PEX1: variants seen among roughly 807,000 people sequenced by gnomAD.
The protein encoded by PEX1 is peroxisomal ATPase PEX1.
A neutral mutation model predicts 152.5 loss-of-function variants in PEX1; 97 were observed. That is an observed-to-expected ratio of 0.64 (90% CI 0.54 to 0.75). The LOEUF (loss-of-function observed/expected upper bound fraction) is 0.75, where lower values mean the gene tolerates loss of function less well. Among genes scored for constraint, PEX1 ranks in the 30% least tolerant of loss-of-function variants. The pLI is 0.00. For synonymous variants in PEX1, 485 were observed against 531.6 expected (o/e 0.91, Z 1.21); for missense variants, 1,357 against 1,516.3 (o/e 0.89, Z 1.74).
At chr7:92,490,884 A>G (rs1791269842) in intron 21 of PEX1, among the ~76,000 whole-genome samples, 2 of 152,234 alleles carry the variant, frequency 1.3e-5, no homozygotes, top group African/African-American at 4.8e-5. Flanking sequence ...AGTATCACAG[A>G]TAACACTTTG....
chr7:92,514,053 T>G (rs1792607640), intron 5 of PEX1, 86 bp from the exon 6 acceptor site: 3 of 854,112 alleles, frequency 3.5e-6, no homozygotes, highest in Non-Finnish European at 5.5e-6. Context: ...ATATATTAGC[T>G]TCTATGAATT....
intron 6 of PEX1, 129 bp from the exon 7 acceptor site, chr7:92,511,832 G>A: frequency 1.2e-6 from 1 of 807,354 alleles, no homozygotes; most frequent in Non-Finnish European, 2.0e-6. Context: ...GGATGTTCAT[G>A]TTCTATAGGC....
In PEX1 at chr7:92,490,947, T is replaced by C. The variant is rs186684145; in HGVS notation, c.3438+325A>G. Among the ~76,000 whole-genome samples the C allele has an allele frequency of 4.9e-4, 75 of 152,318 alleles. 1 individual carries two copies. Among genetic ancestry groups the C allele is most frequent in the South Asian group, 4.1e-4 (2 of 4,832 alleles). ...TCAAATTATTCATTATCCTCAACTG[T>C]TCATGATAACAGAATTTAAGTTTAC... On this transcript the variant is annotated intron_variant, in intron 21 of 23. Coordinates refer to ENST00000248633, the MANE Select transcript of PEX1 (RefSeq NM_000466.3).
chr7:92,526,397 G>A (rs1793270024), intron 1 of PEX1, among the ~76,000 whole-genome samples: 1 of 152,136 alleles, frequency 6.6e-6, no homozygotes, highest in Admixed American at 6.5e-5. Context: ...TGCATGATCT[G>A]TATTATGCAC....
At position 92,492,928 on chromosome 7, in the gene PEX1, A is replaced by G. The variant is rs749706279; in HGVS notation, c.3207+25T>C. 4.4e-6 allele frequency: 7 copies of G among 1,584,556 alleles called. No individual in the cohort carries two copies. The African/African-American group carries it at 8.1e-5, about 18-fold the overall frequency. On this transcript the variant is annotated intron_variant, in intron 20 of 23. Coordinates refer to ENST00000248633, the MANE Select transcript of PEX1 (RefSeq NM_000466.3). ...CTTCTTTTATCACTCATAAAATGTC[A>G]TAACAACTTCCTCATATAACTTGCC...
At chr7:92,501,834 C>T in intron 14 of PEX1, 56 bp downstream of exon 14, 1 of 1,486,712 alleles carries the variant, frequency 6.7e-7, no homozygotes, top group South Asian at 1.1e-5. Context: ...ACTACAATTA[C>T]ATTTCTCCAC....
In PEX1 at chr7:92,517,945, T is replaced by C. The variant is rs977095522; in HGVS notation, c.570A>G (p.Ser190=). 3 of 1,597,898 alleles carry C rather than the reference T, an allele frequency of 1.9e-6. No individual in the cohort carries two copies. The East Asian group carries it at 6.7e-5, about 36-fold the overall frequency. Residue 190 remains serine (S), a synonymous_variant, in exon 5 of 24, where the codon TCA becomes TCG. Transcript: ENST00000248633. ...KTRRAKENTF[S]KADAEYKKLH... is the part of the protein sequence containing the mutation. ...GTTTTTTATATTCAGCATCAGCTTTTGAAAATGTATTCTCTTTGGCTCGGC... is the reference window on the plus strand; with the variant it reads ...GTTTTTTATATTCAGCATCAGCTTTCGAAAATGTATTCTCTTTGGCTCGGC...
At chr7:92,515,085 A>C (rs1322122808) in intron 5 of PEX1, among the ~76,000 whole-genome samples, 370 of 3,436 alleles carry the variant, frequency 0.11, 9 homozygotes, top group Non-Finnish European at 0.14. Flanking sequence ...ATATATATAT[A>C]TATATATATA....
intron 15 of PEX1, 95 bp downstream of exon 15, chr7:92,501,412 C>T (rs1791918350): frequency 2.1e-6 from 2 of 940,596 alleles, no homozygotes; most frequent in Non-Finnish European, 3.5e-6. Context: ...TGTTGACTCA[C>T]ACGGAGATTG....
At chr7:92,524,295 A>C (rs1793173776) in intron 1 of PEX1, among the ~76,000 whole-genome samples, 1 of 135,644 alleles carries the variant, frequency 7.4e-6, no homozygotes, top group Admixed American at 7.9e-5. Flanking sequence ...TGAGACGGAG[A>C]CTCACTCTGT....
Position 92,494,556 on chromosome 7 carries a change from TATC to T in PEX1, c.2854_2856del (p.Asp952del), listed in dbSNP as rs762236071. On this transcript the variant is annotated inframe_deletion, in exon 18 of 24. Transcript: ENST00000248633. The stretch of plus-strand genomic sequence containing the variant: ...ACTACTCGGTCTGTAACTCCTGTAT[TATC>T]ATGACCCCGCCGAGGAGCAATGGAT... 4 of 1,613,816 alleles carry T rather than the reference TATC, an allele frequency of 2.5e-6. No individual in the cohort carries two copies. Among genetic ancestry groups the T allele is most frequent in the Non-Finnish European group, 3.4e-6 (4 of 1,179,814 alleles).
At chr7:92,498,355 T>G (rs922478603) in intron 16 of PEX1, among the ~76,000 whole-genome samples, 4 of 149,626 alleles carry the variant, frequency 2.7e-5, no homozygotes, top group African/African-American at 9.8e-5. Flanking sequence ...AATACAAAAA[T>G]TAGCCTGTAA....
intron 19 of PEX1, chr7:92,493,965 C>CA (rs1562847536): frequency 3.3e-6 from 1 of 299,870 alleles, no homozygotes; most frequent in African/African-American, 2.2e-5. Flanking sequence ...GATTCTGTAT[C>CA]AGAGTTTTTT....
intron 1 of PEX1, among the ~76,000 whole-genome samples, chr7:92,522,947 T>C (rs957355383): frequency 1.3e-5 from 2 of 152,238 alleles, no homozygotes; most frequent in African/African-American, 4.8e-5. Context: ...AAACGTTATA[T>C]TATGCAGCCT....
rs1270733262 is a variant in PEX1, at chr7:92,487,452, A to G, written c.*5T>C. On this transcript the variant is annotated 3_prime_UTR_variant, in exon 24 of 24. Coordinates refer to ENST00000248633, the MANE Select transcript of PEX1 (RefSeq NM_000466.3). Reference sequence around the variant, plus strand: ...TAACAGAACCAAATCAAAAAGAAGTATATTTTATGCTAAAGTTACTTTCTG... The same window carrying G: ...TAACAGAACCAAATCAAAAAGAAGTGTATTTTATGCTAAAGTTACTTTCTG... 1 of 1,495,870 alleles carries G rather than the reference A, an allele frequency of 6.7e-7. No homozygotes were observed. The highest frequency in any genetic ancestry group is 2.3e-5 in the East Asian group (1 of 43,996). 92.7% of individuals were successfully genotyped at this position (1,495,870 alleles called of 1,614,324 possible).
chr7:92,500,413 A>G (rs1791870807), intron 15 of PEX1, among the ~76,000 whole-genome samples: 1 of 152,198 alleles, frequency 6.6e-6, no homozygotes, highest in South Asian at 2.1e-4. Context: ...CTCTATTGAG[A>G]ATATTCCCAC....
At chr7:92,519,235 T>C (rs758775594) in intron 2 of PEX1, among the ~76,000 whole-genome samples, 157 bp from the exon 3 acceptor site, 6 of 152,178 alleles carry the variant, frequency 3.9e-5, no homozygotes, top group Non-Finnish European at 8.8e-5. Context: ...CTTTCTTTTC[T>C]GTTTTGAGAG....
rs372455445 is a variant in PEX1 at position 92,518,040 on chromosome 7, C to A, written c.475G>T (p.Ala159Ser). Residue 159 changes from alanine (A) to serine (S), a missense_variant and splice_region_variant, in exon 5 of 24, where the codon GCA becomes TCA. Physicochemically the swap from Ala to Ser is moderately conservative, Grantham distance 99 (BLOSUM62 1). Coordinates refer to ENST00000248633, the MANE Select transcript of PEX1 (RefSeq NM_000466.3). ...CCATAAGAGGCAGCTGGTATTAGTG[C>A]AACTGTGTAGAAAATAAAGCTCATT... ...QQTYIFIQIV[A>S]LIPAASYGRL... The A allele has an allele frequency of 3.7e-6, 6 of 1,613,950 alleles. No homozygotes were observed. The Admixed American group carries it at 5.0e-5, about 13-fold the overall frequency.
intron 21 of PEX1, 106 bp downstream of exon 21, chr7:92,491,165 CA>C: frequency 1.3e-6 from 1 of 770,696 alleles, no homozygotes; most frequent in Non-Finnish European, 2.3e-6. Context: ...AAGAACCAAC[CA>C]ACCAGGAAGA....
Sources: gnomAD v4.1 joint callset for allele counts (sites outside exome capture counted in the v4.1 genomes callset) on GRCh38, gnomAD v4.1.1 for gene constraint, MANE v1.5 for transcripts, NCBI Gene and HGNC (gene_info 2026-07-23, HGNC 2026-07-21) for gene names.